The following AGFG2 variants were observed in gnomAD, a reference collection of about 807,000 sequenced individuals.
AGFG2 encodes the protein arf-GAP domain and FG repeat-containing protein 2.
Under a neutral mutation model 48.0 loss-of-function variants are expected in AGFG2, and 31 were observed. The ratio of observed to expected loss-of-function variants is 0.65; its 90% CI spans 0.49 to 0.87. The LOEUF (loss-of-function observed/expected upper bound fraction) is 0.87. Ranked by LOEUF, AGFG2 falls within the 40% of genes least tolerant of loss-of-function variation. The probability of loss-of-function intolerance (pLI) is 0.00; values close to 1 mark genes in which losing one functional copy is unlikely to be tolerated. For synonymous variants in AGFG2, 229 were observed against 260.8 expected (o/e 0.88, Z 1.18); for missense variants, 599 against 632.6 (o/e 0.95, Z 0.57).
At position 100,553,349 on chromosome 7, in the gene AGFG2, A is replaced by G; in HGVS notation, c.434A>G (p.Tyr145Cys). 1 of 1,614,152 alleles carries G rather than the reference A, an allele frequency of 6.2e-7. No individual in the cohort carries two copies. Among genetic ancestry groups the G allele is most frequent in the Non-Finnish European group, 8.5e-7 (1 of 1,180,008 alleles). ...AGCCTAACTATTCTTTCTCAAAGGT[A>G]TGTCCCCCCAGACCAAGTCAAGGGG... ...LQEKYEKKRWYVPPDQVKGPT... is the reference protein window; with the variant it reads ...LQEKYEKKRWCVPPDQVKGPT... The change falls in exon 4 of 12, where the codon TAT (tyrosine) becomes TGT (cysteine). Residue 145 changes from tyrosine (Y) to cysteine (C), a missense_variant and splice_region_variant. Transcript: ENST00000300176.
At chr7:100,560,001 G>A (rs994567987) in intron 6 of AGFG2, among the ~76,000 whole-genome samples, 3 of 152,170 alleles carry the variant, frequency 2.0e-5, no homozygotes, top group Non-Finnish European at 2.9e-5. Flanking sequence ...CTCTCTCCCA[G>A]CCTGGTCCTC....
chr7:100,539,710 G>A, intron 1 of AGFG2, 143 bp downstream of exon 1: 1 of 620,780 alleles, frequency 1.6e-6, no homozygotes, highest in Non-Finnish European at 2.3e-6. Flanking sequence ...CTGTGGGGAC[G>A]GGGTCGTCTG....
chr7:100,546,477 A>G (rs1022466355), intron 1 of AGFG2, among the ~76,000 whole-genome samples: 1 of 152,180 alleles, frequency 6.6e-6, no homozygotes, highest in African/African-American at 2.4e-5. Context: ...CTGATCCATC[A>G]GTGCCTGACT....
chr7:100,554,890 A>G (rs1057319157), intron 5 of AGFG2, among the ~76,000 whole-genome samples: 21 of 143,998 alleles, frequency 1.5e-4, no homozygotes, highest in Admixed American at 2.9e-4. Flanking sequence ...GTGAATCACA[A>G]TTGCATCACT....
chr7:100,553,044 T>G (rs1800680034), intron 3 of AGFG2, among the ~76,000 whole-genome samples: 1 of 151,994 alleles, frequency 6.6e-6, no homozygotes, highest in Non-Finnish European at 1.5e-5. Flanking sequence ...TCCCAGCTAC[T>G]TGGGAGGCTG....
At position 100,554,129 on chromosome 7, in the gene AGFG2, C is replaced by A. The variant is rs760794616; in HGVS notation, c.622C>A (p.Arg208=). 3 of 1,614,096 alleles carry A rather than the reference C, an allele frequency of 1.9e-6. No homozygotes were observed. Among genetic ancestry groups the A allele is most frequent in the Non-Finnish European group, 2.5e-6 (3 of 1,179,988 alleles). Reference sequence around the variant, plus strand: ...GTCTCACGCTCGGACATCCCAGGCCCGGAGCACTCAGCCACCTCCCCACTC... The same window carrying A: ...GTCTCACGCTCGGACATCCCAGGCCAGGAGCACTCAGCCACCTCCCCACTC... ...SQSHARTSQA[R]STQPPPHSSV... The change falls in exon 5 of 12, where the codon CGG becomes AGG. Residue 208 remains arginine, a synonymous_variant. Coordinates refer to ENST00000300176, the MANE Select transcript of AGFG2 (RefSeq NM_006076.5).
intron 2 of AGFG2, among the ~76,000 whole-genome samples, chr7:100,550,049 C>G (rs1800596039): frequency 6.6e-6 from 1 of 152,168 alleles, no homozygotes; most frequent in African/African-American, 2.4e-5. Context: ...TGGCTCATGC[C>G]TGTAATCCCA....
chr7:100,539,319 C>T lies in AGFG2; in HGVS notation c.-28C>T. 1.6e-6 allele frequency: 2 copies of T among 1,277,712 alleles called. No individual in the cohort carries two copies. Among genetic ancestry groups the T allele is most frequent in the Admixed American group, 4.2e-5 (1 of 23,956 alleles). 79.1% of individuals were successfully genotyped at this position (1,277,712 alleles called of 1,614,324 possible). On this transcript the variant is annotated 5_prime_UTR_variant, in exon 1 of 12. Coordinates refer to ENST00000300176, the MANE Select transcript of AGFG2 (RefSeq NM_006076.5). ...GCGGCAGTGGTTGAAGGGGTGATTG[C>T]TGACTAGCGGGGAGGGAGTGGGCAG... is the stretch of plus-strand genomic sequence containing the variant.
intron 1 of AGFG2, among the ~76,000 whole-genome samples, chr7:100,543,095 G>A (rs374458797): frequency 3.3e-5 from 5 of 151,848 alleles, no homozygotes; most frequent in Admixed American, 1.3e-4. Context: ...ATGGAGTCTC[G>A]CTCTGTCGCC....
rs1417019675 is a variant in AGFG2 at position 100,555,603 on chromosome 7, C to A, written c.752-7C>A. The A allele has an allele frequency of 1.5e-5, 24 of 1,612,344 alleles. No homozygotes were observed. Among genetic ancestry groups the A allele is most frequent in the Non-Finnish European group, 2.0e-5 (24 of 1,178,858 alleles). On this transcript the variant is annotated splice_region_variant and splice_polypyrimidine_tract_variant and intron_variant, in intron 5 of 11. Transcript: ENST00000300176. The stretch of plus-strand genomic sequence containing the variant: ...CTATATAACCTTTATGTTTCTTCCA[C>A]CTACAGGCCAGACACCTTCCCAAGG...
intron 6 of AGFG2, among the ~76,000 whole-genome samples, chr7:100,560,850 C>T (rs1198977015): frequency 1.2e-4 from 15 of 128,022 alleles, no homozygotes; most frequent in Non-Finnish European, 1.9e-4. Flanking sequence ...CTCACTCTGT[C>T]GCCCAGGCTG....
Position 100,540,119 on chromosome 7 carries a change from T to TA in AGFG2, c.221+568dup, listed in dbSNP as rs375004765. On this transcript the variant is annotated intron_variant, in intron 1 of 11. Coordinates refer to ENST00000300176, the MANE Select transcript of AGFG2 (RefSeq NM_006076.5). ...AATTCCTATGATTAGAGTACAGGAT[T>TA]AAAAAAAAAAAAAAAAGCGAATTAA... Among the ~76,000 whole-genome samples, 692 of 125,948 alleles carry TA rather than the reference T, an allele frequency of 5.5e-3. 4 individuals are homozygous for TA. The highest frequency in any genetic ancestry group is 0.015 in the East Asian group (66 of 4,372). The allele number at this position is 125,948 out of a possible 152,430, so 82.6% of individuals were successfully genotyped here.
In AGFG2 at chr7:100,539,504, G is replaced by A. The variant is rs1196014957; in HGVS notation, c.158G>A (p.Arg53His). The change falls in exon 1 of 12, where the codon CGC (arginine) becomes CAC (histidine). Residue 53 changes from arginine (R) to histidine (H), a missense_variant. By Grantham distance (29) the Arg-to-His change is conservative. Transcript: ENST00000300176. Reference sequence around the variant, plus strand: ...CGCCACTGCTTCGAGTGCGCCCAGCGCGGGGTCACCTACGTGGATATCACC... The same window carrying A: ...CGCCACTGCTTCGAGTGCGCCCAGCACGGGGTCACCTACGTGGATATCACC... ...GNRHCFECAQ[R>H]GVTYVDITVG... 3.0e-6 allele frequency: 4 copies of A among 1,316,350 alleles called. No individual in the cohort carries two copies. The highest frequency in any genetic ancestry group is 2.9e-6 in the Non-Finnish European group (3 of 1,026,108). The allele number at this position is 1,316,350 out of a possible 1,614,324, so 81.5% of individuals were successfully genotyped here. A position where few individuals can be genotyped will look rare whatever the true frequency, so the allele number is the denominator to read the frequency against.
chr7:100,562,431 C>G lies in AGFG2; in HGVS notation c.998+52C>G, dbSNP rs1443295895. On this transcript the variant is annotated intron_variant, in intron 7 of 11. Transcript: ENST00000300176. This position sits in a 1 kb window ranked among gnomAD's most constrained non-coding sequence, Gnocchi z 5.4. ...TGTAGGGCAGGAGAGCCGCCCGAAG[C>G]CTGGCCATGTTCCTCCCAGCCCCAT... is the stretch of plus-strand genomic sequence containing the variant. 1.2e-6 allele frequency: 2 copies of G among 1,606,470 alleles called. No homozygotes were observed. The highest frequency in any genetic ancestry group is 1.7e-6 in the Non-Finnish European group (2 of 1,175,352).
chr7:100,555,770 A>G, intron 6 of AGFG2, 35 bp downstream of exon 6: 1 of 1,610,342 alleles, frequency 6.2e-7, no homozygotes, highest in Non-Finnish European at 8.5e-7. Context: ...TTTCTCTTCC[A>G]ACCGTGTCCA....
At position 100,566,306 on chromosome 7, in the gene AGFG2, G is replaced by C. The variant is rs1371263527; in HGVS notation, c.*1315G>C. ...TGGTGCTGGAAGTAGACCCCTCCTG[G>C]GTCTGGAACATTCTCTGCCCCAGGC... On this transcript the variant is annotated 3_prime_UTR_variant, in exon 12 of 12. Transcript: ENST00000300176. 1 of 152,276 alleles carries C rather than the reference G, an allele frequency of 6.6e-6. No homozygotes were observed. Among genetic ancestry groups the C allele is most frequent in the African/African-American group, 2.4e-5 (1 of 41,450 alleles). The allele number at this position is 152,276 out of a possible 1,614,324, so 9.4% of individuals were successfully genotyped here. A position where few individuals can be genotyped will look rare whatever the true frequency, so the allele number is the denominator to read the frequency against.
chr7:100,562,915 C>T lies in AGFG2; in HGVS notation c.1140C>T (p.Thr380=), dbSNP rs765028686. The T allele has an allele frequency of 4.3e-6, 7 of 1,614,012 alleles. No individual in the cohort carries two copies. In the African/African-American group the frequency reaches 9.3e-5, roughly 22 times the overall value. ...CCGCCCAGTCCCCGCTGCCTTCCAC[C>T]AACCCGTTCCAGCCCAATGGCTTGG... The part of the protein sequence containing the change: ...APAAQSPLPS[T]NPFQPNGLAP... The change falls in exon 9 of 12, where the codon ACC becomes ACT. Residue 380 remains threonine (T), a synonymous_variant. Transcript: ENST00000300176. The surrounding 1 kb of genome is among the most constrained non-coding windows in gnomAD (Gnocchi z 5.4).
At chr7:100,549,180 G>A (rs1018409221) in intron 2 of AGFG2, among the ~76,000 whole-genome samples, 1 of 152,190 alleles carries the variant, frequency 6.6e-6, no homozygotes, top group African/African-American at 2.4e-5. Flanking sequence ...GGGGTAGAAT[G>A]ACCAGAGCTC....
intron 1 of AGFG2, among the ~76,000 whole-genome samples, chr7:100,547,110 C>T (rs1301704148): frequency 1.3e-5 from 2 of 152,016 alleles, no homozygotes; most frequent in Admixed American, 6.6e-5. Flanking sequence ...ATTTATCATC[C>T]GCAGGGTGGC....
Sources: allele counts gnomAD v4.1 joint callset (sites outside exome capture counted in the v4.1 genomes callset), GRCh38; gene constraint gnomAD v4.1.1; non-coding constraint Gnocchi (gnomAD v3.1); transcripts MANE v1.5; gene names NCBI Gene and HGNC (gene_info 2026-07-23, HGNC 2026-07-21).